The following NRXN1 variants were observed in gnomAD, a reference collection of about 807,000 sequenced individuals.
The protein encoded by NRXN1 is neurexin-1.
A neutral mutation model predicts 150.9 loss-of-function variants in NRXN1; 39 were observed. The observed-to-expected ratio is 0.26, with a 90% CI of 0.20 to 0.34. The LOEUF (loss-of-function observed/expected upper bound fraction) is 0.34, where lower values mean the gene tolerates loss of function less well. Ranked by LOEUF, NRXN1 falls within the 10% of genes least tolerant of loss-of-function variation. NRXN1 has a pLI of 1.00. For synonymous variants in NRXN1, 924 were observed against 757.0 expected (o/e 1.22, Z -3.62); for missense variants, 1,815 against 1,949.9 (o/e 0.93, Z 1.30).
intron 5 of NRXN1, among the ~76,000 whole-genome samples, chr2:50,802,621 AAAAG>A (rs1574526430): frequency 6.6e-6 from 1 of 151,690 alleles, no homozygotes; most frequent in African/African-American, 2.4e-5. Context: ...AAGAGGAAAG[AAAAG>A]AAAGAAGGGA....
At chr2:50,534,748 T>C (rs2093210369) in intron 10 of NRXN1, among the ~76,000 whole-genome samples, 1 of 152,176 alleles carries the variant, frequency 6.6e-6, no homozygotes, top group Non-Finnish European at 1.5e-5. Context: ...CTTCTTTATT[T>C]AATCTCTATA....
At chr2:50,714,626 T>A (rs982220046) in intron 5 of NRXN1, among the ~76,000 whole-genome samples, 2 of 152,176 alleles carry the variant, frequency 1.3e-5, no homozygotes, top group Admixed American at 6.6e-5. Context: ...GAGCTCAGAG[T>A]TGGAAACTGA....
At chr2:50,345,060 A>G (rs2077846718) in intron 17 of NRXN1, among the ~76,000 whole-genome samples, 1 of 152,184 alleles carries the variant, frequency 6.6e-6, no homozygotes, top group Non-Finnish European at 1.5e-5. Flanking sequence ...TGGTGAGATC[A>G]CCAGAAACTC....
intron 17 of NRXN1, among the ~76,000 whole-genome samples, chr2:50,431,155 C>T (rs975439143): frequency 6.6e-6 from 1 of 152,194 alleles, no homozygotes; most frequent in African/African-American, 2.4e-5. Flanking sequence ...TCTCTGTCTT[C>T]TTTTTGTATG....
chr2:50,597,838 T>A (rs902137234), intron 8 of NRXN1, among the ~76,000 whole-genome samples: 2 of 152,196 alleles, frequency 1.3e-5, no homozygotes, highest in Non-Finnish European at 2.9e-5. Flanking sequence ...TTACCTTTTC[T>A]GATAAAATGC....
At chr2:50,544,226 A>C (rs561091254) in intron 9 of NRXN1, among the ~76,000 whole-genome samples, 4 of 138,214 alleles carry the variant, frequency 2.9e-5, no homozygotes, top group Non-Finnish European at 6.3e-5. Flanking sequence ...AAATATGCAC[A>C]ACATAAGTAA....
chr2:50,516,915 A>G (rs1252102244), intron 12 of NRXN1, among the ~76,000 whole-genome samples: 1 of 152,230 alleles, frequency 6.6e-6, no homozygotes. Flanking sequence ...ATGAACACTA[A>G]TAACAGAGAA....
chr2:50,174,390 G>A (rs1401091639), intron 18 of NRXN1, among the ~76,000 whole-genome samples: 1 of 152,024 alleles, frequency 6.6e-6, no homozygotes, highest in Non-Finnish European at 1.5e-5. Context: ...AAAGATCCAT[G>A]TAAAGCATTT....
At chr2:50,253,617 G>A (rs1001056978) in intron 17 of NRXN1, among the ~76,000 whole-genome samples, 6 of 152,006 alleles carry the variant, frequency 3.9e-5, no homozygotes, top group African/African-American at 1.2e-4. Flanking sequence ...AGTTTTTAAC[G>A]TAAAGGGATG....
chr2:50,569,351 A>G (rs974303219), intron 8 of NRXN1, among the ~76,000 whole-genome samples: 9 of 152,090 alleles, frequency 5.9e-5, no homozygotes, highest in African/African-American at 1.7e-4. Flanking sequence ...TACCCCAGTT[A>G]CCTTCATGTG....
chr2:50,216,613 TC>T, intron 18 of NRXN1, among the ~76,000 whole-genome samples: 1 of 152,014 alleles, frequency 6.6e-6, no homozygotes, highest in East Asian at 1.9e-4. Context: ...GTTTTTTCTT[TC>T]TTATTTTTCT....
chr2:49,979,942 G>A (rs1384546395), intron 21 of NRXN1, among the ~76,000 whole-genome samples: 3 of 111,966 alleles, frequency 2.7e-5, no homozygotes, highest in Admixed American at 2.6e-4. Context: ...TGTGGGTTTT[G>A]TTTTTCTTAC....
At chr2:50,679,402 G>A (rs1339327707) in intron 5 of NRXN1, among the ~76,000 whole-genome samples, 1 of 152,164 alleles carries the variant, frequency 6.6e-6, no homozygotes, top group Non-Finnish European at 1.5e-5. Flanking sequence ...CTTTAGCAAG[G>A]AGCAAGGAAG....
chr2:50,216,325 T>C (rs1559108476), intron 18 of NRXN1, among the ~76,000 whole-genome samples: 1 of 152,196 alleles, frequency 6.6e-6, no homozygotes, highest in East Asian at 1.9e-4. Context: ...ATACTTGTTA[T>C]TGTTTTTTCA....
chr2:50,954,552 G>A (rs1022810457), intron 2 of NRXN1, among the ~76,000 whole-genome samples: 1 of 152,194 alleles, frequency 6.6e-6, no homozygotes, highest in Non-Finnish European at 1.5e-5. Flanking sequence ...GAAAGTTCCA[G>A]CAGAGCTGGG....
chr2:50,794,612 C>G (rs1382115860), intron 5 of NRXN1, among the ~76,000 whole-genome samples: 1 of 152,072 alleles, frequency 6.6e-6, no homozygotes, highest in African/African-American at 2.4e-5. Context: ...GGAGCAATTA[C>G]TTATTTTTTA....
intron 17 of NRXN1, among the ~76,000 whole-genome samples, chr2:50,255,006 C>T (rs2067556240): frequency 6.6e-6 from 1 of 151,984 alleles, no homozygotes; most frequent in Non-Finnish European, 1.5e-5. Flanking sequence ...TGTGGTTTTG[C>T]CATGTTACCT....
At chr2:50,750,316 T>C (rs922804697) in intron 5 of NRXN1, among the ~76,000 whole-genome samples, 2 of 150,606 alleles carry the variant, frequency 1.3e-5, no homozygotes, top group Admixed American at 6.7e-5. Flanking sequence ...TATTTGTGTT[T>C]GTATTTTTTT....
chr2:50,170,586 G>T (rs540469788), intron 18 of NRXN1, among the ~76,000 whole-genome samples: 1 of 151,974 alleles, frequency 6.6e-6, no homozygotes, highest in Non-Finnish European at 1.5e-5. Flanking sequence ...AGTAAGACAC[G>T]ATGCACAGCC....
Sources: gnomAD v4.1 joint callset for allele counts (sites outside exome capture counted in the v4.1 genomes callset) on GRCh38, gnomAD v4.1.1 for gene constraint, MANE v1.5 for transcripts, NCBI Gene and HGNC (gene_info 2026-07-23, HGNC 2026-07-21) for gene names.